PCDH7: variants seen among roughly 807,000 people sequenced by gnomAD.
PCDH7 encodes protocadherin 7, also known as protocadherin-7.
PCDH7 carries 17 observed loss-of-function variants against 58.9 expected under a neutral mutation model. The observed-to-expected ratio is 0.29, with a 90% CI of 0.20 to 0.43. PCDH7 has a LOEUF of 0.43. Among genes scored for constraint, PCDH7 ranks in the 20% least tolerant of loss-of-function variants. PCDH7 has a pLI of 1.00. For synonymous variants in PCDH7, 664 were observed against 616.4 expected (o/e 1.08, Z -1.14); for missense variants, 1,274 against 1,441.0 (o/e 0.88, Z 1.88).
At position 30,722,275 on chromosome 4, in the gene PCDH7, G is replaced by A; in HGVS notation, c.853G>A (p.Asp285Asn). 1 of 1,596,976 alleles carries A rather than the reference G, an allele frequency of 6.3e-7. No homozygotes were observed. Among genetic ancestry groups the A allele is most frequent in the South Asian group, 1.1e-5 (1 of 89,184 alleles). The change falls in exon 1 of 2, where the codon GAC becomes AAC. Residue 285 changes from aspartate (D) to asparagine (N), a missense_variant. Around this residue, in one of 3 missense-constraint regions of PCDH7, gnomAD observed 331 missense variants for 303.2 expected, o/e 1.09. Transcript: ENST00000361762. This position sits in a 1 kb window ranked among gnomAD's most constrained non-coding sequence, Gnocchi z 7.6. ...GACCCTGCGAGTGCGCGACGGCGGC[G>A]ACCCGCCTCGCTCCTCGCAGGCCAT...
At chr4:30,969,976 G>A (rs937655540) in intron 3 of PCDH7, among the ~76,000 whole-genome samples, 2 of 152,078 alleles carry the variant, frequency 1.3e-5, no homozygotes, top group African/African-American at 4.8e-5. Flanking sequence ...CTTGAATTAT[G>A]TGTTAATTAA....
chr4:30,945,586 CT>C (rs563534058), intron 2 of PCDH7, among the ~76,000 whole-genome samples: 3 of 150,680 alleles, frequency 2.0e-5, no homozygotes, highest in Admixed American at 6.6e-5. Flanking sequence ...CTACACAACG[CT>C]TTTTTTTTAA....
intron 1 of PCDH7, among the ~76,000 whole-genome samples, chr4:30,874,378 A>G (rs958621071): frequency 1.3e-5 from 2 of 152,070 alleles, no homozygotes; most frequent in African/African-American, 4.8e-5. Context: ...AAAAATGATG[A>G]GTTCATGTCC....
intron 3 of PCDH7, among the ~76,000 whole-genome samples, chr4:31,052,321 G>A (rs900565169): frequency 1.1e-4 from 16 of 152,174 alleles, no homozygotes; most frequent in African/African-American, 3.6e-4. Flanking sequence ...ACTTTAAGTA[G>A]TAATATCATC....
intron 1 of PCDH7, among the ~76,000 whole-genome samples, chr4:30,917,074 A>G (rs114160802): frequency 0.02 from 3,121 of 152,316 alleles, 50 homozygotes; most frequent in Non-Finnish European, 0.033. Context: ...ACTCTGCTTT[A>G]CATTTCTGCT....
chr4:30,737,832 G>T (rs1716517369), downstream of PCDH7, among the ~76,000 whole-genome samples: 1 of 152,162 alleles, frequency 6.6e-6, no homozygotes, highest in South Asian at 2.1e-4. Flanking sequence ...AAAAAATCCA[G>T]GTTAGTAGAG....
chr4:31,097,633 T>TA (rs1387749903), intron 3 of PCDH7, among the ~76,000 whole-genome samples: 619 of 39,752 alleles, frequency 0.016, 83 homozygotes, highest in African/African-American at 0.13. Context: ...TATATATATA[T>TA]ATATAAATCT....
chr4:31,114,024 G>T (rs917119897), intron 3 of PCDH7, among the ~76,000 whole-genome samples: 1 of 151,800 alleles, frequency 6.6e-6, no homozygotes, highest in African/African-American at 2.4e-5. Flanking sequence ...AGTAGAGACT[G>T]GGTTTCACCA....
chr4:30,968,319 C>CACATTA (rs369540529), intron 3 of PCDH7, among the ~76,000 whole-genome samples: 1 of 82,596 alleles, frequency 1.2e-5, no homozygotes, highest in Non-Finnish European at 2.3e-5. Flanking sequence ...TATATATACA[C>CACATTA]TATATATATA....
intron 1 of PCDH7, among the ~76,000 whole-genome samples, chr4:30,754,690 G>T (rs1719035429): frequency 6.6e-6 from 1 of 152,048 alleles, no homozygotes; most frequent in Non-Finnish European, 1.5e-5. Context: ...CCTTCTAAAG[G>T]ATTTCAATAT....
chr4:30,777,294 A>C (rs1722195534), intron 1 of PCDH7, among the ~76,000 whole-genome samples: 1 of 152,208 alleles, frequency 6.6e-6, no homozygotes, highest in Admixed American at 6.5e-5. Flanking sequence ...TCACTAATTG[A>C]AACTCTTAAC....
At chr4:30,865,627 T>C (rs1734781799) in intron 1 of PCDH7, among the ~76,000 whole-genome samples, 1 of 152,098 alleles carries the variant, frequency 6.6e-6, no homozygotes, top group African/African-American at 2.4e-5. Flanking sequence ...GTAAATATTC[T>C]TAATAATTTA....
chr4:30,883,596 A>G (rs1269279625), intron 1 of PCDH7, among the ~76,000 whole-genome samples: 1 of 152,164 alleles, frequency 6.6e-6, no homozygotes, highest in East Asian at 1.9e-4. Flanking sequence ...TGACTGTAAC[A>G]CTTTCATCCA....
At chr4:30,988,407 A>G (rs895010487) in intron 3 of PCDH7, among the ~76,000 whole-genome samples, 2 of 152,220 alleles carry the variant, frequency 1.3e-5, no homozygotes, top group African/African-American at 4.8e-5. Context: ...ACAGTTGTAA[A>G]CACTATAGTC....
At chr4:31,051,359 C>CCA (rs1278476022) in intron 3 of PCDH7, among the ~76,000 whole-genome samples, 3 of 152,050 alleles carry the variant, frequency 2.0e-5, no homozygotes, top group Non-Finnish European at 4.4e-5. Context: ...TGAAGGTTAA[C>CCA]CAGTGTTTGA....
chr4:30,932,694 C>A (rs777693539), intron 2 of PCDH7, among the ~76,000 whole-genome samples: 32 of 152,094 alleles, frequency 2.1e-4, no homozygotes, highest in Middle Eastern at 3.2e-3. Context: ...GTGACAAGAG[C>A]AGGCTACCTG....
chr4:30,730,626 T>C (rs1316209490), intron 1 of PCDH7: 1 of 619,232 alleles, frequency 1.6e-6, no homozygotes, highest in Non-Finnish European at 2.8e-6. Context: ...AAACACAAAG[T>C]TGGCATTAAA....
intron 1 of PCDH7, among the ~76,000 whole-genome samples, chr4:30,782,554 G>GAGGC (rs1470003458): frequency 6.6e-6 from 1 of 152,184 alleles, no homozygotes; most frequent in Non-Finnish European, 1.5e-5. Context: ...ATTGATAGCT[G>GAGGC]AGGCACCCAT....
chr4:30,745,624 G>A (rs16884029), intron 1 of PCDH7, among the ~76,000 whole-genome samples: 6,177 of 151,996 alleles, frequency 0.041, 306 homozygotes, highest in African/African-American at 0.12. Context: ...AATCCTGGTC[G>A]ACTTTTCTCC....
Sources: gnomAD v4.1 joint callset for allele counts (sites outside exome capture counted in the v4.1 genomes callset) on GRCh38, gnomAD v4.1.1 for gene constraint, gnomAD v4.1.1 regional missense constraint, Gnocchi (gnomAD v3.1) non-coding constraint, MANE v1.5 for transcripts, NCBI Gene and HGNC (gene_info 2026-07-23, HGNC 2026-07-21) for gene names.